The following OTULINL variants were observed in gnomAD, a reference collection of about 807,000 sequenced individuals.
The protein encoded by OTULINL is OTU deubiquitinase with linear linkage specificity like, also known as inactive ubiquitin thioesterase OTULINL.
OTULINL carries 42 observed loss-of-function variants against 43.9 expected under a neutral mutation model. The ratio of observed to expected loss-of-function variants is 0.96; its 90% CI spans 0.75 to 1.24. The LOEUF (loss-of-function observed/expected upper bound fraction) is 1.24. OTULINL is among the 50% of genes most tolerant of loss of function. OTULINL has a pLI of 0.00. For synonymous variants in OTULINL, 172 were observed against 153.6 expected, an observed-to-expected ratio of 1.12 and a Z score of -0.88; for missense variants, 411 against 426.4, an observed-to-expected ratio of 0.96 and a Z score of 0.32.
At chr5:14,601,178 G>A (rs1186926416) in intron 2 of OTULINL, 35 bp from the exon 3 acceptor site, 3 of 1,611,924 alleles carry the variant, frequency 1.9e-6, no homozygotes, top group Non-Finnish European at 2.5e-6. Context: ...ATTCAAAGCA[G>A]AATTCTGATA....
chr5:14,601,288 A>G, intron 3 of OTULINL, 44 bp downstream of exon 3: 1 of 1,609,908 alleles, frequency 6.2e-7, no homozygotes, highest in South Asian at 1.1e-5. Context: ...TAAGGTGCAG[A>G]GAGGGTTCAA....
chr5:14,590,697 G>T (rs1328052607), intron 1 of OTULINL, among the ~76,000 whole-genome samples: 3 of 152,176 alleles, frequency 2.0e-5, no homozygotes, highest in African/African-American at 7.2e-5. Context: ...GAGAGGTTAT[G>T]GGTTGAGTTG....
chr5:14,604,522 T>C (rs1016249911), intron 5 of OTULINL, among the ~76,000 whole-genome samples: 4 of 152,154 alleles, frequency 2.6e-5, no homozygotes, highest in African/African-American at 9.7e-5. Flanking sequence ...GTACAAAGTC[T>C]CATCCAAAAC....
intron 6 of OTULINL, among the ~76,000 whole-genome samples, chr5:14,608,015 C>T (rs113038354): frequency 7.2e-4 from 110 of 152,266 alleles, no homozygotes; most frequent in African/African-American, 2.3e-3. Flanking sequence ...GATTCAATGA[C>T]GTAATACACA....
rs1759601541 is a variant in OTULINL, at chr5:14,612,714, A to G, written c.*2400A>G. The G allele has an allele frequency of 6.6e-6, 1 of 152,198 alleles. No homozygotes were observed. The highest frequency in any genetic ancestry group is 2.4e-5 in the African/African-American group (1 of 41,446). 9.4% of individuals were successfully genotyped at this position (152,198 alleles called of 1,614,324 possible). On this transcript the variant is annotated 3_prime_UTR_variant, in exon 8 of 8. Coordinates refer to ENST00000274217, the MANE Select transcript of OTULINL (RefSeq NM_019018.3). The stretch of plus-strand genomic sequence containing the variant: ...GGTGAGCTTCCTGGGTGATGCCAAC[A>G]TTTAAATGTCTTTCTAACCGTATAT...
chr5:14,584,640 C>T (rs914334549), intron 1 of OTULINL, among the ~76,000 whole-genome samples: 1 of 152,140 alleles, frequency 6.6e-6, no homozygotes, highest in African/African-American at 2.4e-5. Flanking sequence ...CAAATGTTAG[C>T]TGCCACTACT....
At chr5:14,595,869 T>C (rs1028356054) in intron 1 of OTULINL, among the ~76,000 whole-genome samples, 1 of 151,788 alleles carries the variant, frequency 6.6e-6, no homozygotes, top group Non-Finnish European at 1.5e-5. Flanking sequence ...GGGGGATGTA[T>C]GAGACCTAGG....
At chr5:14,583,348 C>T (rs1431854757) in intron 1 of OTULINL, among the ~76,000 whole-genome samples, 2 of 152,212 alleles carry the variant, frequency 1.3e-5, no homozygotes, top group Non-Finnish European at 1.5e-5. Context: ...AACCTTTCTG[C>T]ACCTTGGGTT....
At chr5:14,583,817 C>A (rs1759059749) in intron 1 of OTULINL, among the ~76,000 whole-genome samples, 1 of 152,066 alleles carries the variant, frequency 6.6e-6, no homozygotes, top group African/African-American at 2.4e-5. Flanking sequence ...ATAGGGACAA[C>A]TTTTTTAGCA....
At position 14,581,892 on chromosome 5, in the gene OTULINL, G is replaced by T; in HGVS notation, c.-3G>T. On this transcript the variant is annotated 5_prime_UTR_variant, in exon 1 of 8. Transcript: ENST00000274217. ...CCCAGCGCCCGTCCGCAGCGCGGCCGGCATGGCGGCGACAAGGAGCCCCAC... is the reference window on the plus strand; with the variant it reads ...CCCAGCGCCCGTCCGCAGCGCGGCCTGCATGGCGGCGACAAGGAGCCCCAC... 7.1e-7 allele frequency: 1 copy of T among 1,411,138 alleles called. No individual in the cohort carries two copies. Among genetic ancestry groups the T allele is most frequent in the South Asian group, 1.4e-5 (1 of 69,948 alleles). 87.4% of individuals were successfully genotyped at this position (1,411,138 alleles called of 1,614,324 possible).
intron 1 of OTULINL, among the ~76,000 whole-genome samples, chr5:14,584,004 G>T (rs930904753): frequency 6.6e-6 from 1 of 152,216 alleles, no homozygotes. Flanking sequence ...AAGACTGTCT[G>T]AATCAGAATG....
At chr5:14,587,311 G>A (rs532184492) in intron 1 of OTULINL, among the ~76,000 whole-genome samples, 25 of 152,334 alleles carry the variant, frequency 1.6e-4, no homozygotes, top group South Asian at 6.2e-4. Flanking sequence ...TGGACAGGTC[G>A]AAATGCTGCG....
rs1354884594 is a variant in OTULINL at position 14,610,156 on chromosome 5, CT to C, written c.915del (p.Gly306AspfsTer6). 6.2e-7 allele frequency: 1 copy of C among 1,613,926 alleles called. No individual in the cohort carries two copies. The highest frequency in any genetic ancestry group is 8.5e-7 in the Non-Finnish European group (1 of 1,179,852). On this transcript the variant is annotated frameshift_variant, in exon 8 of 8. Coordinates refer to ENST00000274217, the MANE Select transcript of OTULINL (RefSeq NM_019018.3). LOFTEE classifies it high-confidence loss of function. ...CGLEQIDMFI[L>X]GYSLEVKIKV... ...TCATCCACAGATTGATATGTTTATA[CT>C]TGGATACTCCCTTGAAGTAAAGATA... is the stretch of plus-strand genomic sequence containing the variant.
In OTULINL at chr5:14,610,440, A is replaced by G; in HGVS notation, c.*126A>G. 1 of 942,590 alleles carries G rather than the reference A, an allele frequency of 1.1e-6. No individual in the cohort carries two copies. Among genetic ancestry groups the G allele is most frequent in the South Asian group, 1.6e-5 (1 of 60,992 alleles). 58.4% of individuals were successfully genotyped at this position (942,590 alleles called of 1,614,324 possible). ...ATTAGGACCTTTTCTTCAGGATTAC[A>G]GGTACACTGGATGCAGCCATGCATG... On this transcript the variant is annotated 3_prime_UTR_variant, in exon 8 of 8. Transcript: ENST00000274217.
chr5:14,582,141 G>A (rs1048104860), intron 1 of OTULINL, among the ~76,000 whole-genome samples, 183 bp downstream of exon 1: 1 of 152,066 alleles, frequency 6.6e-6, no homozygotes, highest in African/African-American at 2.4e-5. Context: ...GTGGGGCGGG[G>A]CTGCACCCCC....
intron 1 of OTULINL, among the ~76,000 whole-genome samples, chr5:14,599,098 A>G (rs1759341320): frequency 6.6e-6 from 1 of 152,266 alleles, no homozygotes; most frequent in African/African-American, 2.4e-5. Flanking sequence ...GTAAGAATAA[A>G]TATATAATGA....
In OTULINL at chr5:14,615,602, C is replaced by A. The variant is rs958696852; in HGVS notation, c.*5288C>A. 2.6e-5 allele frequency among the ~76,000 whole-genome samples: 4 copies of A among 152,138 alleles called. No individual in the cohort carries two copies. The highest frequency in any genetic ancestry group is 4.4e-5 in the Non-Finnish European group (3 of 68,038). On this transcript the variant is annotated 3_prime_UTR_variant, in exon 8 of 8. Transcript: ENST00000274217. Reference sequence around the variant, plus strand: ...GTGAAAATGGTGTTTGTTGTAACATCTTGGTATCATTGTGGGTAAGTAGAA... The same window carrying A: ...GTGAAAATGGTGTTTGTTGTAACATATTGGTATCATTGTGGGTAAGTAGAA...
Position 14,601,131 on chromosome 5 carries a change from C to T in OTULINL, c.224+7C>T, listed in dbSNP as rs759819067. 3.1e-6 allele frequency: 5 copies of T among 1,611,476 alleles called. No homozygotes were observed. Among genetic ancestry groups the T allele is most frequent in the East Asian group, 4.5e-5 (2 of 44,848 alleles). On this transcript the variant is annotated splice_region_variant and intron_variant, in intron 2 of 7. Transcript: ENST00000274217. ...CAGGGCACAAGCTGAAATGGTAGGT[C>T]ACTGTATCATCCTTAAATTTCAAAT... is the stretch of plus-strand genomic sequence containing the variant.
At chr5:14,591,034 A>G (rs1759192507) in intron 1 of OTULINL, among the ~76,000 whole-genome samples, 1 of 152,240 alleles carries the variant, frequency 6.6e-6, no homozygotes, top group Non-Finnish European at 1.5e-5. Context: ...GAGACCAATC[A>G]AAAGGATTAG....
Sources: allele counts gnomAD v4.1 joint callset (sites outside exome capture counted in the v4.1 genomes callset), GRCh38; gene constraint gnomAD v4.1.1; transcripts MANE v1.5; gene names NCBI Gene and HGNC (gene_info 2026-07-23, HGNC 2026-07-21).